The following SPICE1 variants were observed in gnomAD, a reference collection of about 807,000 sequenced individuals.
The protein encoded by SPICE1 is spindle and centriole associated protein 1.
A neutral mutation model predicts 102.7 loss-of-function variants in SPICE1; 75 were observed. The ratio of observed to expected loss-of-function variants is 0.73; its 90% CI spans 0.61 to 0.88. The LOEUF is 0.88. Ranked by LOEUF, SPICE1 falls within the 40% of genes least tolerant of loss-of-function variation. The probability of loss-of-function intolerance (pLI) is 0.00; values close to 1 mark genes in which losing one functional copy is unlikely to be tolerated. For missense variants in SPICE1, 979 were observed against 1,020.1 expected (o/e 0.96, Z 0.55); for synonymous variants, 308 against 350.3 (o/e 0.88, Z 1.35).
At chr3:113,459,236 A>G (rs1278265730) in intron 12 of SPICE1, among the ~76,000 whole-genome samples, 1 of 152,168 alleles carries the variant, frequency 6.6e-6, no homozygotes, top group African/African-American at 2.4e-5. Context: ...GTTAAGAGTC[A>G]TCACCACTCC....
At chr3:113,471,973 G>A (rs563204800) in intron 7 of SPICE1, among the ~76,000 whole-genome samples, 128 of 152,324 alleles carry the variant, frequency 8.4e-4, no homozygotes, top group African/African-American at 2.9e-3. Flanking sequence ...TGCGCGAGCC[G>A]AAGCAGGGCA....
intron 11 of SPICE1, among the ~76,000 whole-genome samples, chr3:113,465,225 A>C (rs1936025317): frequency 6.6e-6 from 1 of 152,214 alleles, no homozygotes; most frequent in Admixed American, 6.5e-5. Flanking sequence ...AGCAGCAAAG[A>C]GGACTTTATG....
chr3:113,461,845 G>T (rs1384446326), intron 11 of SPICE1, among the ~76,000 whole-genome samples: 1 of 152,176 alleles, frequency 6.6e-6, no homozygotes, highest in Non-Finnish European at 1.5e-5. Flanking sequence ...ACTGCTGAAT[G>T]AAGTATAGTA....
chr3:113,450,147 CAGG>C (rs1053912358), intron 15 of SPICE1, 186 bp downstream of exon 15: 8 of 608,226 alleles, frequency 1.3e-5, no homozygotes, highest in Non-Finnish European at 2.0e-5. Context: ...TAGAAATAAT[CAGG>C]AGATCTGCCT....
intron 7 of SPICE1, among the ~76,000 whole-genome samples, chr3:113,472,902 G>A (rs1268682165): frequency 6.6e-6 from 1 of 152,194 alleles, no homozygotes; most frequent in Non-Finnish European, 1.5e-5. Flanking sequence ...AAGGAACGCA[G>A]TTCCTCACTA....
At chr3:113,473,809 C>T (rs1936267218) in intron 7 of SPICE1, among the ~76,000 whole-genome samples, 1 of 151,712 alleles carries the variant, frequency 6.6e-6, no homozygotes. Context: ...AAAGGAACAA[C>T]CGGTACCAGC....
chr3:113,453,933 G>T lies in SPICE1; in HGVS notation c.1675C>A (p.Gln559Lys). The T allele has an allele frequency of 6.2e-7, 1 of 1,612,742 alleles. No homozygotes were observed. Among genetic ancestry groups the T allele is most frequent in the South Asian group, 1.1e-5 (1 of 90,964 alleles). The change falls in exon 14 of 18, where the codon CAA becomes AAA. Residue 559 changes from glutamine to lysine, a missense_variant. Gln to Lys is a moderately conservative substitution (Grantham distance 53, BLOSUM62 1). Transcript: ENST00000295872. Reference sequence around the variant, plus strand: ...GGAAGTCGTGGAGCAGGACGAGTTTGAACAGTCCTTCTCAATACTATAGAT... The same window carrying T: ...GGAAGTCGTGGAGCAGGACGAGTTTTAACAGTCCTTCTCAATACTATAGAT... Reference protein sequence around the residue: ...PLQDVLRRTVQTRPAPRLPPT... With the variant: ...PLQDVLRRTVKTRPAPRLPPT...
intron 16 of SPICE1, among the ~76,000 whole-genome samples, chr3:113,447,037 AG>A (rs1935533836): frequency 6.6e-6 from 1 of 152,120 alleles, no homozygotes; most frequent in African/African-American, 2.4e-5. Flanking sequence ...TGGGTTTATC[AG>A]GGGTTTCTGC....
At chr3:113,503,543 T>A (rs1420350394) in intron 2 of SPICE1, among the ~76,000 whole-genome samples, 1 of 152,182 alleles carries the variant, frequency 6.6e-6, no homozygotes, top group Non-Finnish European at 1.5e-5. Flanking sequence ...TAGTATATAT[T>A]CAAAATGAGT....
At chr3:113,474,827 G>A (rs1244199164) in intron 7 of SPICE1, among the ~76,000 whole-genome samples, 1 of 152,016 alleles carries the variant, frequency 6.6e-6, no homozygotes, top group Non-Finnish European at 1.5e-5. Flanking sequence ...ATGCCCACAA[G>A]AGAAAGCAGG....
At chr3:113,468,452 A>C in intron 9 of SPICE1, 48 bp from the exon 10 acceptor site, 1 of 1,564,352 alleles carries the variant, frequency 6.4e-7, no homozygotes, top group Non-Finnish European at 8.7e-7. Context: ...AAAAATTATG[A>C]CTAGAAAACT....
chr3:113,498,613 A>T (rs1256350932), intron 4 of SPICE1, among the ~76,000 whole-genome samples: 1 of 152,208 alleles, frequency 6.6e-6, no homozygotes, highest in Non-Finnish European at 1.5e-5. Context: ...GGGAGATATT[A>T]TTCTTCCTGA....
intron 13 of SPICE1, among the ~76,000 whole-genome samples, chr3:113,454,605 A>T (rs1346897519): frequency 6.6e-6 from 1 of 152,070 alleles, no homozygotes; most frequent in Non-Finnish European, 1.5e-5. Context: ...AATCCCAGCT[A>T]CTCAGGAGGC....
intron 2 of SPICE1, among the ~76,000 whole-genome samples, chr3:113,505,843 C>T (rs1314538060): frequency 6.6e-6 from 1 of 152,044 alleles, no homozygotes; most frequent in Non-Finnish European, 1.5e-5. Flanking sequence ...GAGTTTAAGG[C>T]TGCAGTGAGC....
intron 7 of SPICE1, among the ~76,000 whole-genome samples, chr3:113,488,383 T>C (rs924597514): frequency 6.6e-6 from 1 of 152,180 alleles, no homozygotes; most frequent in Non-Finnish European, 1.5e-5. Context: ...AAAGAAAATG[T>C]GGTATAGACA....
intron 7 of SPICE1, among the ~76,000 whole-genome samples, chr3:113,471,686 C>T (rs968191393): frequency 6.6e-6 from 1 of 152,014 alleles, no homozygotes; most frequent in Non-Finnish European, 1.5e-5. Flanking sequence ...ACTTCATGTT[C>T]TGTCAAAGCA....
chr3:113,448,345 A>G (rs76500794), intron 15 of SPICE1, among the ~76,000 whole-genome samples: 3,203 of 151,756 alleles, frequency 0.021, 100 homozygotes, highest in African/African-American at 0.065. Flanking sequence ...GTGTTAATTC[A>G]GTAGCATGCC....
chr3:113,506,363 A>T, intron 2 of SPICE1, 144 bp downstream of exon 2: 1 of 639,418 alleles, frequency 1.6e-6, no homozygotes, highest in South Asian at 2.2e-5. Context: ...TCCAAGACCT[A>T]GAATATCACA....
chr3:113,484,421 C>G (rs1160600822), intron 7 of SPICE1, among the ~76,000 whole-genome samples: 2 of 152,060 alleles, frequency 1.3e-5, no homozygotes, highest in Non-Finnish European at 2.9e-5. Flanking sequence ...CTTCTGCTAA[C>G]TTTTGAATTT....
Sources: gnomAD v4.1 joint callset for allele counts (sites outside exome capture counted in the v4.1 genomes callset) on GRCh38, gnomAD v4.1.1 for gene constraint, MANE v1.5 for transcripts, NCBI Gene and HGNC (gene_info 2026-07-23, HGNC 2026-07-21) for gene names.